Variants in MED13L observed in about 807,000 individuals in gnomAD.
MED13L encodes the protein mediator of RNA polymerase II transcription subunit 13-like.
In MED13L, 7 loss-of-function variants were observed where a neutral mutation model predicts 220.9. The ratio of observed to expected loss-of-function variants is 0.03; its 90% CI spans 0.02 to 0.06. The LOEUF is 0.06. Ranked by LOEUF, MED13L falls within the 10% of genes least tolerant of loss-of-function variation. MED13L has a pLI of 1.00. For missense variants in MED13L, 1,965 were observed against 2,760.5 expected, an observed-to-expected ratio of 0.71 and a Z score of 6.46; for synonymous variants, 1,011 against 1,015.2, an observed-to-expected ratio of 1.00 and a Z score of 0.08.
chr12:116,230,158 C>T (rs562502293), intron 2 of MED13L, among the ~76,000 whole-genome samples: 7 of 152,054 alleles, frequency 4.6e-5, no homozygotes, highest in African/African-American at 1.7e-4. Flanking sequence ...AATCCCAGCA[C>T]TTTGGGAGGC....
chr12:116,175,752 C>A (rs1224210729), intron 2 of MED13L, among the ~76,000 whole-genome samples: 1 of 152,012 alleles, frequency 6.6e-6, no homozygotes, highest in Non-Finnish European at 1.5e-5. Context: ...TAAGTAACTA[C>A]AGTTACAAGT....
At position 116,251,308 on chromosome 12, in the gene MED13L, C is replaced by CTT. The variant is rs61533775; in HGVS notation, c.73-13605_73-13604dup. ...AAGGCAGAGATTCTCATCATGGATC[C>CTT]TTTTTTTTTTTTTTTTTTTTTTTTT... is the stretch of plus-strand genomic sequence containing the variant. On this transcript the variant is annotated intron_variant, in intron 1 of 30. Coordinates refer to ENST00000281928, the MANE Select transcript of MED13L (RefSeq NM_015335.5). Among the ~76,000 whole-genome samples, 757 of 87,844 alleles carry CTT rather than the reference C, an allele frequency of 8.6e-3. 39 individuals carry two copies. Among genetic ancestry groups the CTT allele is most frequent in the Middle Eastern group, 0.019 (3 of 154 alleles). The allele number at this position is 87,844 out of a possible 152,430, so 57.6% of individuals were successfully genotyped here. A position where few individuals can be genotyped will look rare whatever the true frequency, so the allele number is the denominator to read the frequency against.
At chr12:116,015,081 T>A in intron 8 of MED13L, 28 bp downstream of exon 8, 1 of 1,601,576 alleles carries the variant, frequency 6.2e-7, no homozygotes, top group Admixed American at 1.7e-5. Context: ...TACTAAACTA[T>A]GATCTAGACA....
At chr12:115,979,990 T>C (rs889417942) in intron 23 of MED13L, among the ~76,000 whole-genome samples, 3 of 152,156 alleles carry the variant, frequency 2.0e-5, no homozygotes, top group African/African-American at 4.8e-5. Context: ...ACGGAAGCAC[T>C]GAGGCAAGGA....
chr12:116,031,319 C>A (rs1223583055), intron 4 of MED13L, among the ~76,000 whole-genome samples: 2 of 151,946 alleles, frequency 1.3e-5, no homozygotes, highest in African/African-American at 4.8e-5. Context: ...GTGGCTCATG[C>A]CTGTAATCCA....
intron 1 of MED13L, among the ~76,000 whole-genome samples, chr12:116,255,383 T>G (rs1394616673): frequency 6.6e-6 from 1 of 152,212 alleles, no homozygotes; most frequent in Non-Finnish European, 1.5e-5. Context: ...TTAAAATAAG[T>G]TACTGGATTG....
chr12:116,095,271 A>C (rs978202339), intron 4 of MED13L, among the ~76,000 whole-genome samples: 3 of 152,222 alleles, frequency 2.0e-5, no homozygotes, highest in African/African-American at 7.2e-5. Context: ...CCATTTCATC[A>C]AAGTATCTGT....
chr12:116,220,451 C>T (rs905488899), intron 2 of MED13L, among the ~76,000 whole-genome samples: 1 of 152,170 alleles, frequency 6.6e-6, no homozygotes, highest in Non-Finnish European at 1.5e-5. Flanking sequence ...ATAATCCCAA[C>T]ACTTTGGGAG....
chr12:116,155,599 C>A (rs1466254147), intron 2 of MED13L, among the ~76,000 whole-genome samples: 1 of 152,100 alleles, frequency 6.6e-6, no homozygotes, highest in African/African-American at 2.4e-5. Flanking sequence ...CAAAATAATA[C>A]CTTTTGATCC....
chr12:115,970,476 T>C (rs1390353527), intron 27 of MED13L, 118 bp downstream of exon 27: 5 of 1,049,986 alleles, frequency 4.8e-6, no homozygotes, highest in Non-Finnish European at 7.2e-6. Context: ...TATCCCCTCT[T>C]TATAGTTCCT....
At chr12:116,072,474 T>C (rs1436425862) in intron 4 of MED13L, among the ~76,000 whole-genome samples, 1 of 152,150 alleles carries the variant, frequency 6.6e-6, no homozygotes. Context: ...TTTTTTGAGA[T>C]GGAGTCTCGC....
chr12:116,092,769 G>C (rs1279027078), intron 4 of MED13L, among the ~76,000 whole-genome samples: 1 of 152,038 alleles, frequency 6.6e-6, no homozygotes, highest in African/African-American at 2.4e-5. Flanking sequence ...GGGTATATGT[G>C]TGGTGGGGGG....
chr12:116,077,437 A>G (rs997766402), intron 4 of MED13L, among the ~76,000 whole-genome samples: 27 of 152,342 alleles, frequency 1.8e-4, no homozygotes, highest in African/African-American at 6.5e-4. Context: ...TAGACCAAGT[A>G]TTTAGAGTGA....
At chr12:116,012,542 T>A (rs1181283138) in intron 9 of MED13L, among the ~76,000 whole-genome samples, 1 of 152,248 alleles carries the variant, frequency 6.6e-6, no homozygotes, top group South Asian at 2.1e-4. Flanking sequence ...CTTGTCAAAC[T>A]GATGCCTTTA....
intron 3 of MED13L, among the ~76,000 whole-genome samples, chr12:116,102,890 G>T (rs942794316): frequency 9.9e-5 from 15 of 151,408 alleles, no homozygotes; most frequent in African/African-American, 3.4e-4. Context: ...CCTAATTTTT[G>T]TATTTTTAGT....
intron 2 of MED13L, among the ~76,000 whole-genome samples, chr12:116,136,246 G>A (rs1876541376): frequency 6.6e-6 from 1 of 152,052 alleles, no homozygotes; most frequent in Admixed American, 6.6e-5. Flanking sequence ...TGTTTAATGA[G>A]GAAACTGAAC....
chr12:116,017,435 G>A (rs1566012647), intron 7 of MED13L, among the ~76,000 whole-genome samples: 1 of 152,144 alleles, frequency 6.6e-6, no homozygotes, highest in East Asian at 1.9e-4. Context: ...TCCAAATTGT[G>A]ATGTGAAATT....
At chr12:116,120,065 T>C (rs1217227412) in intron 2 of MED13L, among the ~76,000 whole-genome samples, 1 of 151,894 alleles carries the variant, frequency 6.6e-6, no homozygotes, top group Non-Finnish European at 1.5e-5. Context: ...CGGATATTCA[T>C]AAACATGCAT....
intron 2 of MED13L, among the ~76,000 whole-genome samples, chr12:116,206,159 C>A (rs139183056): frequency 7.0e-6 from 1 of 142,216 alleles, no homozygotes; most frequent in South Asian, 2.3e-4. Flanking sequence ...TGGCTCACTG[C>A]GACCTCCTCC....
Sources: allele counts gnomAD v4.1 joint callset (sites outside exome capture counted in the v4.1 genomes callset), GRCh38; gene constraint gnomAD v4.1.1; transcripts MANE v1.5; gene names NCBI Gene and HGNC (gene_info 2026-07-23, HGNC 2026-07-21).